Variants in MIPOL1 observed in about 807,000 individuals in gnomAD.
MIPOL1 encodes the protein mirror-image polydactyly 1, also known as mirror-image polydactyly gene 1 protein.
In MIPOL1, 57 loss-of-function variants were observed where a neutral mutation model predicts 60.9. The ratio of observed to expected loss-of-function variants is 0.94; its 90% CI spans 0.76 to 1.17. MIPOL1 has a LOEUF of 1.17. Ranked by LOEUF, MIPOL1 falls within the 50% of genes most tolerant of loss-of-function variation. The pLI is 0.00. For missense variants in MIPOL1, 551 were observed against 511.6 expected (o/e 1.08, Z -0.74); for synonymous variants, 179 against 168.8 (o/e 1.06, Z -0.47).
chr14:37,480,827 C>A lies in MIPOL1; in HGVS notation c.1032-19081C>A, dbSNP rs116441619. On this transcript the variant is annotated intron_variant, in intron 11 of 12. Transcript: ENST00000684589. Reference sequence around the variant, plus strand: ...AAGACTCCACAAAAAAACAAACAAACAAAAAAAACCTCTTAGAACTAATAA... The same window carrying A: ...AAGACTCCACAAAAAAACAAACAAAAAAAAAAAACCTCTTAGAACTAATAA... Among the ~76,000 whole-genome samples the A allele has an allele frequency of 4.8e-3, 733 of 151,896 alleles. 5 individuals carry two copies. Among genetic ancestry groups the A allele is most frequent in the African/African-American group, 0.016 (652 of 41,454 alleles).
chr14:37,534,085 A>C (rs2095494755), intron 12 of MIPOL1, among the ~76,000 whole-genome samples: 1 of 151,768 alleles, frequency 6.6e-6, no homozygotes, highest in African/African-American at 2.4e-5. Flanking sequence ...TCTCAAAAAA[A>C]AAAAAAAAAA....
chr14:37,551,524 C>A (rs1247659748), downstream of MIPOL1: 2 of 151,886 alleles, frequency 1.3e-5, no homozygotes, highest in African/African-American at 4.8e-5. Context: ...AGAGAAATAT[C>A]ATTTTTAGTG....
intron 9 of MIPOL1, among the ~76,000 whole-genome samples, chr14:37,360,525 T>C (rs1235609908): frequency 1.3e-5 from 2 of 152,242 alleles, no homozygotes; most frequent in Non-Finnish European, 2.9e-5. Flanking sequence ...GAGATTCAAG[T>C]TCTTCCTGGT....
intron 3 of MIPOL1, among the ~76,000 whole-genome samples, chr14:37,249,825 A>G (rs894727436): frequency 6.6e-6 from 1 of 152,180 alleles, no homozygotes; most frequent in Non-Finnish European, 1.5e-5. Flanking sequence ...GATGTTAAAA[A>G]AAAACAAAAA....
Position 37,550,455 on chromosome 14 carries a change from G to C in MIPOL1, c.*3484G>C, listed in dbSNP as rs1272697467. ...TTTTACTGATTTTATTGTGTTGTTG[G>C]TAACTAGTATTTACAGCTAACCTAT... On this transcript the variant is annotated 3_prime_UTR_variant, in exon 13 of 13. Coordinates refer to ENST00000684589, the MANE Select transcript of MIPOL1 (RefSeq NM_001388067.1). The C allele has an allele frequency of 6.6e-6, 1 of 150,382 alleles. No homozygotes were observed. The highest frequency in any genetic ancestry group is 1.9e-4 in the East Asian group (1 of 5,166). The allele number at this position is 150,382 out of a possible 1,614,324, so 9.3% of individuals were successfully genotyped here.
At chr14:37,389,309 T>C (rs2093168398) in intron 10 of MIPOL1, among the ~76,000 whole-genome samples, 2 of 152,222 alleles carry the variant, frequency 1.3e-5, no homozygotes, top group East Asian at 3.9e-4. Flanking sequence ...TGGCATGTAG[T>C]AAAACACACT....
chr14:37,538,728 C>T (rs1365700854), intron 12 of MIPOL1, among the ~76,000 whole-genome samples: 1 of 152,192 alleles, frequency 6.6e-6, no homozygotes, highest in African/African-American at 2.4e-5. Flanking sequence ...GGAGGCCTCA[C>T]TGATTCTGGC....
Position 37,283,214 on chromosome 14 carries a change from C to G in MIPOL1, c.494-2104C>G, listed in dbSNP as rs141236518. ...CTCAGTAGCTGAGATCACGGGTGCC[C>G]GCCACCACATCCAGCTAATTTTTTG... is the stretch of plus-strand genomic sequence containing the variant. On this transcript the variant is annotated intron_variant, in intron 6 of 12. Transcript: ENST00000684589. Among the ~76,000 whole-genome samples, 742 of 152,114 alleles carry G rather than the reference C, an allele frequency of 4.9e-3. 6 individuals carry two copies. The highest frequency in any genetic ancestry group is 0.023 in the East Asian group (121 of 5,168).
chr14:37,377,746 CTTT>C (rs370238755), intron 10 of MIPOL1, among the ~76,000 whole-genome samples: 5 of 120,948 alleles, frequency 4.1e-5, no homozygotes, highest in Admixed American at 9.2e-5. Context: ...ATTTTTATGC[CTTT>C]TTTTTTTTTT....
At chr14:37,258,272 AT>A (rs1271781381) in intron 3 of MIPOL1, among the ~76,000 whole-genome samples, 2 of 152,132 alleles carry the variant, frequency 1.3e-5, no homozygotes, top group Non-Finnish European at 2.9e-5. Context: ...TTTATAGATT[AT>A]TTATGAAATT....
At chr14:37,319,611 A>G (rs991524237) in intron 9 of MIPOL1, among the ~76,000 whole-genome samples, 1 of 152,176 alleles carries the variant, frequency 6.6e-6, no homozygotes, top group Non-Finnish European at 1.5e-5. Flanking sequence ...CTAAACAAGA[A>G]AAACAAGGAG....
chr14:37,453,676 A>C (rs972948429), intron 11 of MIPOL1, among the ~76,000 whole-genome samples: 2 of 152,158 alleles, frequency 1.3e-5, no homozygotes, highest in Non-Finnish European at 2.9e-5. Flanking sequence ...AATTCGTGTC[A>C]TTTTAATATT....
intron 12 of MIPOL1, among the ~76,000 whole-genome samples, chr14:37,512,610 T>G (rs2095337382): frequency 6.6e-6 from 1 of 151,934 alleles, no homozygotes; most frequent in Non-Finnish European, 1.5e-5. Context: ...CTCAGTGAAT[T>G]TTTTTTTATA....
chr14:37,247,967 A>C (rs1221934020), intron 3 of MIPOL1, 60 bp downstream of exon 3: 1 of 1,571,794 alleles, frequency 6.4e-7, no homozygotes, highest in Non-Finnish European at 8.7e-7. Context: ...CAAGGCACTG[A>C]GTGAAGTGTG....
chr14:37,499,504 G>T (rs1434210845), intron 11 of MIPOL1, among the ~76,000 whole-genome samples: 1 of 152,050 alleles, frequency 6.6e-6, no homozygotes, highest in Non-Finnish European at 1.5e-5. Flanking sequence ...TTAAGTGCTT[G>T]GCAGAATAGA....
chr14:37,391,740 G>C (rs970354568), intron 10 of MIPOL1, among the ~76,000 whole-genome samples: 1 of 152,006 alleles, frequency 6.6e-6, no homozygotes, highest in African/African-American at 2.4e-5. Flanking sequence ...TCAAATCCAT[G>C]TAGAAATTAA....
At chr14:37,251,705 A>T (rs560337917) in intron 3 of MIPOL1, among the ~76,000 whole-genome samples, 14 of 152,212 alleles carry the variant, frequency 9.2e-5, no homozygotes, top group African/African-American at 3.4e-4. Flanking sequence ...CGTAAATCTT[A>T]TATGAATAAT....
chr14:37,389,754 T>A (rs1326583518), intron 10 of MIPOL1, among the ~76,000 whole-genome samples: 1 of 151,112 alleles, frequency 6.6e-6, no homozygotes, highest in Non-Finnish European at 1.5e-5. Context: ...GTCTGGTATT[T>A]AAAGAAAAAC....
chr14:37,397,333 A>G (rs1370137311), intron 10 of MIPOL1, among the ~76,000 whole-genome samples: 1 of 137,248 alleles, frequency 7.3e-6, no homozygotes, highest in Non-Finnish European at 1.5e-5. Flanking sequence ...AACTGTCTAT[A>G]GGTCTCTCAG....
Sources: gnomAD v4.1 joint callset for allele counts (sites outside exome capture counted in the v4.1 genomes callset) on GRCh38, gnomAD v4.1.1 for gene constraint, MANE v1.5 for transcripts, NCBI Gene and HGNC (gene_info 2026-07-23, HGNC 2026-07-21) for gene names.